TMEM132D: variants seen among roughly 807,000 people sequenced by gnomAD.
TMEM132D encodes mature OL transmembrane protein.
Under a neutral mutation model 62.3 loss-of-function variants are expected in TMEM132D, and 21 were observed. The ratio of observed to expected loss-of-function variants is 0.34; its 90% CI spans 0.24 to 0.49. The LOEUF (loss-of-function observed/expected upper bound fraction) is 0.49. Ranked by LOEUF, TMEM132D falls within the 20% of genes least tolerant of loss-of-function variation. The probability of loss-of-function intolerance (pLI) is 0.99; values close to 1 mark genes in which losing one functional copy is unlikely to be tolerated. For missense variants in TMEM132D, 1,346 were observed against 1,402.8 expected (o/e 0.96, Z 0.65); for synonymous variants, 621 against 575.6 (o/e 1.08, Z -1.13).
intron 2 of TMEM132D, among the ~76,000 whole-genome samples, chr12:129,565,324 GA>G (rs1877339270): frequency 6.6e-6 from 1 of 152,208 alleles, no homozygotes; most frequent in African/African-American, 2.4e-5. Flanking sequence ...AGGGACTTGA[GA>G]TAGAGGCAGG....
At chr12:129,673,488 C>T (rs1880555470) in intron 2 of TMEM132D, among the ~76,000 whole-genome samples, 2 of 152,070 alleles carry the variant, frequency 1.3e-5, no homozygotes, top group South Asian at 2.1e-4. Context: ...CAGCCATGTA[C>T]CAATCTGAAA....
intron 1 of TMEM132D, among the ~76,000 whole-genome samples, chr12:129,847,741 C>G (rs1380471124): frequency 6.6e-6 from 1 of 152,104 alleles, no homozygotes; most frequent in Non-Finnish European, 1.5e-5. Context: ...TGGCTCAAGC[C>G]TTAGAGACTG....
chr12:129,758,557 G>T (rs1409090450), intron 1 of TMEM132D, among the ~76,000 whole-genome samples: 1 of 152,186 alleles, frequency 6.6e-6, no homozygotes, highest in Non-Finnish European at 1.5e-5. Context: ...ATTCCAAAGT[G>T]CCTGGTAATA....
intron 5 of TMEM132D, among the ~76,000 whole-genome samples, chr12:129,196,645 T>C (rs868618726): frequency 1.1e-4 from 16 of 152,282 alleles, no homozygotes; most frequent in African/African-American, 3.9e-4. Context: ...TGTTCTAGAC[T>C]AACCTAAGAT....
At chr12:129,257,224 T>TTGG (rs1880430385) in intron 4 of TMEM132D, among the ~76,000 whole-genome samples, 1 of 133,656 alleles carries the variant, frequency 7.5e-6, no homozygotes, top group African/African-American at 2.8e-5. Context: ...TTTTTTTTTT[T>TTGG]GAGATAGAGT....
At chr12:129,649,627 G>A (rs191513384) in intron 2 of TMEM132D, among the ~76,000 whole-genome samples, 16 of 151,918 alleles carry the variant, frequency 1.1e-4, no homozygotes, top group African/African-American at 3.6e-4. Flanking sequence ...ACATACAATA[G>A]GGTATAGAAA....
chr12:129,692,931 C>T (rs1881098769), intron 2 of TMEM132D, among the ~76,000 whole-genome samples: 2 of 152,090 alleles, frequency 1.3e-5, no homozygotes, highest in South Asian at 4.2e-4. Context: ...CAGCAAACCA[C>T]CACGGCACAC....
In TMEM132D at chr12:129,473,757, T is replaced by C. The variant is rs186169912; in HGVS notation, c.1115+57302A>G. On this transcript the variant is annotated intron_variant, in intron 3 of 8. Coordinates refer to ENST00000422113, the MANE Select transcript of TMEM132D (RefSeq NM_133448.3). ...GTACTGGAAAACCACACACAAAAAA[T>C]TGTGTGATTCACTTTAGTATGGTGA... Among the ~76,000 whole-genome samples the C allele has an allele frequency of 3.3e-3, 501 of 152,310 alleles. 13 individuals are homozygous for C. Among genetic ancestry groups the C allele is most frequent in the Admixed American group, 0.028 (432 of 15,296 alleles).
chr12:129,631,795 A>G (rs1159780563), intron 2 of TMEM132D, among the ~76,000 whole-genome samples: 1 of 152,182 alleles, frequency 6.6e-6, no homozygotes, highest in Admixed American at 6.5e-5. Context: ...CCAGAGGGAT[A>G]CAGAATTGGT....
At chr12:129,394,535 T>A (rs1024821493) in intron 3 of TMEM132D, among the ~76,000 whole-genome samples, 1 of 151,904 alleles carries the variant, frequency 6.6e-6, no homozygotes, top group Non-Finnish European at 1.5e-5. Flanking sequence ...CTGTGAGAGG[T>A]AGAATAAAGA....
intron 2 of TMEM132D, among the ~76,000 whole-genome samples, chr12:129,630,368 C>A (rs1176384880): frequency 6.6e-6 from 1 of 152,114 alleles, no homozygotes; most frequent in East Asian, 1.9e-4. Flanking sequence ...GATATCTCAC[C>A]ATCAGATGGG....
rs184135521 is a variant in TMEM132D at position 129,591,916 on chromosome 12, G to A, written c.969-60711C>T. Among the ~76,000 whole-genome samples the A allele has an allele frequency of 4.4e-4, 67 of 152,164 alleles. 2 individuals are homozygous for A. Among genetic ancestry groups the A allele is most frequent in the African/African-American group, 1.6e-3 (65 of 41,522 alleles). On this transcript the variant is annotated intron_variant, in intron 2 of 8. Transcript: ENST00000422113. The stretch of plus-strand genomic sequence containing the variant: ...TCTCTTTCCTTCAAAAATTCAAGAT[G>A]GGTCCAATTGACAGTAAAATACAGC...
In TMEM132D at chr12:129,831,282, G is replaced by A. The variant is rs138257854; in HGVS notation, c.79+71979C>T. Among the ~76,000 whole-genome samples the A allele has an allele frequency of 3.9e-5, 6 of 152,328 alleles. No individual in the cohort carries two copies. In the East Asian group the frequency reaches 1.2e-3, roughly 29 times the overall value. On this transcript the variant is annotated intron_variant, in intron 1 of 8. Coordinates refer to ENST00000422113, the MANE Select transcript of TMEM132D (RefSeq NM_133448.3). ...GAGAACAGACGCTGACATGGGCACT[G>A]ACAGATGACCCTTTCAAGGCTGGAG...
chr12:129,164,610 C>A (rs571381354), intron 5 of TMEM132D, among the ~76,000 whole-genome samples: 1 of 152,318 alleles, frequency 6.6e-6, no homozygotes, highest in Admixed American at 6.5e-5. Context: ...CCTCAGGAAA[C>A]TTACAATCAT....
intron 1 of TMEM132D, among the ~76,000 whole-genome samples, chr12:129,897,535 T>C (rs1272308490): frequency 6.6e-6 from 1 of 152,032 alleles, no homozygotes; most frequent in Non-Finnish European, 1.5e-5. Context: ...TTTAAGAAGC[T>C]TGACCTAGGG....
intron 1 of TMEM132D, among the ~76,000 whole-genome samples, chr12:129,820,966 C>G (rs1272788306): frequency 1.3e-5 from 2 of 152,150 alleles, no homozygotes; most frequent in African/African-American, 4.8e-5. Context: ...TGACAAGTAG[C>G]AAAGATTATA....
chr12:129,497,064 T>C (rs556642136), intron 3 of TMEM132D, among the ~76,000 whole-genome samples: 5 of 152,078 alleles, frequency 3.3e-5, no homozygotes, highest in Non-Finnish European at 7.4e-5. Context: ...TCCCAGCACT[T>C]TGAGAGGCTG....
chr12:129,418,175 C>A (rs1872185890), intron 3 of TMEM132D, among the ~76,000 whole-genome samples: 1 of 152,148 alleles, frequency 6.6e-6, no homozygotes, highest in East Asian at 1.9e-4. Flanking sequence ...GATCTAGAAC[C>A]AGAGATACCA....
chr12:129,768,470 A>T (rs74654368), intron 1 of TMEM132D, among the ~76,000 whole-genome samples: 141,987 of 151,114 alleles, frequency 0.94, 67,124 homozygotes, highest in Non-Finnish European at 1. Flanking sequence ...GTTCCTTAAA[A>T]ATTTAAGGAA....
Sources: allele counts gnomAD v4.1 joint callset (sites outside exome capture counted in the v4.1 genomes callset), GRCh38; gene constraint gnomAD v4.1.1; transcripts MANE v1.5; gene names NCBI Gene and HGNC (gene_info 2026-07-23, HGNC 2026-07-21).